The following KCND2 variants were observed in gnomAD, a reference collection of about 807,000 sequenced individuals.
KCND2 encodes the protein A-type voltage-gated potassium channel KCND2.
A neutral mutation model predicts 54.4 loss-of-function variants in KCND2; 16 were observed. That is an observed-to-expected ratio of 0.29 (90% CI 0.20 to 0.45). KCND2 has a LOEUF of 0.45. Among genes scored for constraint, KCND2 ranks in the 20% least tolerant of loss-of-function variants. The pLI, the probability that KCND2 is intolerant of heterozygous loss-of-function variation, is 1.00. For missense variants in KCND2, 486 were observed against 824.2 expected, an observed-to-expected ratio of 0.59 and a Z score of 5.02; for synonymous variants, 317 against 310.7, an observed-to-expected ratio of 1.02 and a Z score of -0.21.
intron 1 of KCND2, among the ~76,000 whole-genome samples, chr7:120,419,725 C>A (rs1299815389): frequency 6.6e-6 from 1 of 151,914 alleles, no homozygotes; most frequent in Non-Finnish European, 1.5e-5. Context: ...GGCTAGTAAC[C>A]CAGTGTATCC....
At chr7:120,452,892 A>T (rs535727280) in intron 1 of KCND2, among the ~76,000 whole-genome samples, 2 of 152,284 alleles carry the variant, frequency 1.3e-5, no homozygotes, top group African/African-American at 2.4e-5. Context: ...AGATGGAGCC[A>T]GTACCATCTG....
At chr7:120,595,974 A>G (rs562603015) in intron 1 of KCND2, among the ~76,000 whole-genome samples, 32 of 152,148 alleles carry the variant, frequency 2.1e-4, no homozygotes, top group Non-Finnish European at 2.9e-4. Flanking sequence ...CTCTGAGTGG[A>G]TGAATGAATG....
chr7:120,410,689 C>G, intron 1 of KCND2, among the ~76,000 whole-genome samples: 1 of 117,892 alleles, frequency 8.5e-6, no homozygotes, highest in African/African-American at 3.2e-5. Flanking sequence ...AATGCTCTCC[C>G]ACCCCCCTCC....
At chr7:120,404,894 A>T (rs561083813) in intron 1 of KCND2, among the ~76,000 whole-genome samples, 1 of 152,276 alleles carries the variant, frequency 6.6e-6, no homozygotes, top group Non-Finnish European at 1.5e-5. Context: ...AGATAAAATC[A>T]GGCACCTCAT....
At chr7:120,561,122 T>C (rs1340447156) in intron 1 of KCND2, among the ~76,000 whole-genome samples, 1 of 152,226 alleles carries the variant, frequency 6.6e-6, no homozygotes, top group Non-Finnish European at 1.5e-5. Context: ...ATTTGCAAAA[T>C]GTTTTAAGTC....
chr7:120,572,600 C>A (rs1298474998), intron 1 of KCND2, among the ~76,000 whole-genome samples: 2 of 152,150 alleles, frequency 1.3e-5, no homozygotes, highest in African/African-American at 4.8e-5. Context: ...TCACTGCAAC[C>A]TCCAACTCCC....
chr7:120,476,913 T>G (rs1051050951), intron 1 of KCND2, among the ~76,000 whole-genome samples: 2 of 152,178 alleles, frequency 1.3e-5, no homozygotes, highest in Admixed American at 1.3e-4. Flanking sequence ...CCTTAACTTT[T>G]CCAAATGCCA....
chr7:120,485,414 G>T (rs1271965722), intron 1 of KCND2, among the ~76,000 whole-genome samples: 1 of 152,146 alleles, frequency 6.6e-6, no homozygotes, highest in East Asian at 1.9e-4. Context: ...TGACTCCATG[G>T]TAACATATCA....
intron 1 of KCND2, among the ~76,000 whole-genome samples, chr7:120,509,381 A>G (rs1584807038): frequency 6.6e-6 from 1 of 152,074 alleles, no homozygotes; most frequent in African/African-American, 2.4e-5. Flanking sequence ...GTATATATGT[A>G]TATACGCTCT....
Position 120,332,118 on chromosome 7 carries a change from T to C in KCND2, c.1115+56371T>C, listed in dbSNP as rs150019674. Among the ~76,000 whole-genome samples, 29 of 152,198 alleles carry C rather than the reference T, an allele frequency of 1.9e-4. 1 individual carries two copies. The East Asian group carries it at 5.4e-3, about 28-fold the overall frequency. On this transcript the variant is annotated intron_variant, in intron 1 of 5. Transcript: ENST00000331113. ...CAACCTCATTCAATTGAAATTGATATCATTAATTATCTCCAATACCTATTA... is the reference window on the plus strand; with the variant it reads ...CAACCTCATTCAATTGAAATTGATACCATTAATTATCTCCAATACCTATTA...
At chr7:120,726,798 T>G (rs1792738999) in intron 1 of KCND2, among the ~76,000 whole-genome samples, 1 of 152,226 alleles carries the variant, frequency 6.6e-6, no homozygotes, top group Non-Finnish European at 1.5e-5. Context: ...TACAGAATGC[T>G]CCTGAACTTC....
intron 1 of KCND2, among the ~76,000 whole-genome samples, chr7:120,452,677 A>G (rs543145119): frequency 8.2e-4 from 124 of 151,836 alleles, no homozygotes; most frequent in Non-Finnish European, 1.5e-3. Flanking sequence ...GCCCCCATGG[A>G]CTCTTGAGTT....
chr7:120,728,063 G>A (rs779285161), intron 1 of KCND2, among the ~76,000 whole-genome samples: 1 of 149,752 alleles, frequency 6.7e-6, no homozygotes, highest in Non-Finnish European at 1.5e-5. Context: ...GAACCCAGGA[G>A]GCAGAGGTTG....
intron 1 of KCND2, among the ~76,000 whole-genome samples, chr7:120,331,602 C>T (rs144636434): frequency 3.3e-5 from 5 of 151,894 alleles, no homozygotes; most frequent in Non-Finnish European, 5.9e-5. Flanking sequence ...TTAGCAGAAA[C>T]GATGAGATGA....
chr7:120,342,979 C>G (rs1039979842), intron 1 of KCND2, among the ~76,000 whole-genome samples: 2 of 152,140 alleles, frequency 1.3e-5, no homozygotes, highest in African/African-American at 4.8e-5. Flanking sequence ...GAAAGTAGCT[C>G]TGTTCCATAT....
At chr7:120,473,143 G>T (rs1361302640) in intron 1 of KCND2, among the ~76,000 whole-genome samples, 1 of 152,170 alleles carries the variant, frequency 6.6e-6, no homozygotes. Flanking sequence ...ACCCACAGAG[G>T]GAGAAAACCA....
rs386411129 is a variant in KCND2, at chr7:120,313,741, AT to A, written c.1115+38011del. Among the ~76,000 whole-genome samples the A allele has an allele frequency of 9.5e-3, 1,257 of 132,226 alleles. 9 individuals are homozygous for A. The highest frequency in any genetic ancestry group is 0.031 in the African/African-American group (1,126 of 36,028). The allele number at this position is 132,226 out of a possible 152,430, so 86.7% of individuals were successfully genotyped here. ...AACTCTGCTCAAGATGTCTCCTGGG[AT>A]TTTTTTTTTTTTTTTTGTAGATTTA... On this transcript the variant is annotated intron_variant, in intron 1 of 5. Transcript: ENST00000331113.
intron 1 of KCND2, among the ~76,000 whole-genome samples, chr7:120,355,131 A>G (rs1238055539): frequency 6.6e-6 from 1 of 152,230 alleles, no homozygotes; most frequent in African/African-American, 2.4e-5. Context: ...CTACCTCTCC[A>G]TAACCCCATT....
intron 2 of KCND2, chr7:120,740,788 A>G: frequency 4.5e-6 from 2 of 448,502 alleles, no homozygotes; most frequent in Non-Finnish European, 9.0e-6. Context: ...CTCTCTGGAT[A>G]GGCTTACTAT....
Sources: allele counts gnomAD v4.1 joint callset (sites outside exome capture counted in the v4.1 genomes callset), GRCh38; gene constraint gnomAD v4.1.1; transcripts MANE v1.5; gene names NCBI Gene and HGNC (gene_info 2026-07-23, HGNC 2026-07-21).